Variants in INSRR observed in about 807,000 individuals in gnomAD.
INSRR encodes the protein insulin receptor related receptor, also known as insulin receptor-related protein.
Under a neutral mutation model 130.0 loss-of-function variants are expected in INSRR, and 114 were observed. That is an observed-to-expected ratio of 0.88 (90% CI 0.75 to 1.02). The LOEUF (loss-of-function observed/expected upper bound fraction) is 1.02. Among genes scored for constraint, INSRR ranks in the 50% least tolerant of loss-of-function variants. The probability of loss-of-function intolerance (pLI) is 0.00; values close to 1 mark genes in which losing one functional copy is unlikely to be tolerated. For missense variants in INSRR, 1,657 were observed against 1,735.2 expected (o/e 0.95, Z 0.80); for synonymous variants, 674 against 705.2 (o/e 0.96, Z 0.70).
Position 156,851,876 on chromosome 1 carries a change from C to A in INSRR, c.941+12G>T. On this transcript the variant is annotated intron_variant, in intron 3 of 21. Transcript: ENST00000368195. ...CTGCTCCCAGGGTGCCCCCCACCCT[C>A]CCTACACTCACCTGCTGCTATTACG... 6.3e-7 allele frequency: 1 copy of A among 1,577,874 alleles called. No homozygotes were observed. The highest frequency in any genetic ancestry group is 8.6e-7 in the Non-Finnish European group (1 of 1,158,106).
chr1:156,852,682 G>A (rs1655267627), intron 2 of INSRR, among the ~76,000 whole-genome samples: 1 of 152,234 alleles, frequency 6.6e-6, no homozygotes, highest in Non-Finnish European at 1.5e-5. Flanking sequence ...GTGGCTCCAA[G>A]CAGCAGTGGG....
Position 156,852,100 on chromosome 1 carries a change from A to G in INSRR, c.729T>C (p.Pro243=). 1 of 1,613,724 alleles carries G rather than the reference A, an allele frequency of 6.2e-7. No individual in the cohort carries two copies. The highest frequency in any genetic ancestry group is 8.5e-7 in the Non-Finnish European group (1 of 1,179,982). Reference sequence around the variant, plus strand: ...GGTGGCGGCAAGCTACACAGGCACGAGGGTCTTCTGGCTGGCTGCAGCCCC... The same window carrying G: ...GGTGGCGGCAAGCTACACAGGCACGGGGGTCTTCTGGCTGGCTGCAGCCCC... The part of the protein sequence containing the change: ...CLGGCSQPED[P]RACVACRHLY... The change falls in exon 3 of 22, where the codon CCT becomes CCC. Residue 243 remains proline, a synonymous_variant. Coordinates refer to ENST00000368195, the MANE Select transcript of INSRR (RefSeq NM_014215.3).
rs1177073209 is a variant in INSRR at position 156,841,580 on chromosome 1, C to A, written c.3528-52G>T. The A allele has an allele frequency of 1.9e-6, 3 of 1,612,102 alleles. No individual in the cohort carries two copies. The African/African-American group carries it at 4.0e-5, about 22-fold the overall frequency. The stretch of plus-strand genomic sequence containing the variant: ...CCAGCACCCTTCGTGCTACTCAGTG[C>A]ATTCCAAGGGATGGGGGTGTTCCAG... On this transcript the variant is annotated intron_variant, in intron 20 of 21. Coordinates refer to ENST00000368195, the MANE Select transcript of INSRR (RefSeq NM_014215.3).
Position 156,849,244 on chromosome 1 carries a change from A to G in INSRR, c.1444+2T>C. 7.4e-6 allele frequency: 12 copies of G among 1,613,438 alleles called. No homozygotes were observed. The highest frequency in any genetic ancestry group is 1.0e-5 in the Non-Finnish European group (12 of 1,179,972). ...CCACCGGCACTGGGGTTGGGGTCTC[A>G]CAGGCGGCGCGGTCTCCGTTGGTGC... On this transcript the variant is annotated splice_donor_variant, in intron 6 of 21. Coordinates refer to ENST00000368195, the MANE Select transcript of INSRR (RefSeq NM_014215.3). LOFTEE classifies it high-confidence loss of function.
rs74118779 is a variant in INSRR at position 156,849,424 on chromosome 1, T to C, written c.1266A>G (p.Leu422=). The part of the protein sequence containing the change: ...YTLYVLDNQN[L]QQLGSWVAAG... ...CGGCCACCCAGGACCCTAGCTGTTG[T>C]AGGTTCTGGTTGTCCAGCACGTAGA... The change falls in exon 6 of 22, where the codon CTA becomes CTG. Residue 422 remains leucine, a synonymous_variant. Coordinates refer to ENST00000368195, the MANE Select transcript of INSRR (RefSeq NM_014215.3). 0.031 allele frequency: 49,321 copies of C among 1,611,934 alleles called. 1,296 individuals are homozygous for C. Among genetic ancestry groups the C allele is most frequent in the African/African-American group, 0.14 (10,455 of 74,030 alleles).
In INSRR at chr1:156,844,756, G is replaced by C; in HGVS notation, c.2525C>G (p.Pro842Arg). ...TTCGTACTTGAGGATGAGTCCGTTG[G>C]GGTCTGGTGGCTCGAGCCAGCGCAG... The part of the protein sequence containing the change: ...VLLRWLEPPD[P>R]NGLILKYEIK... The change falls in exon 13 of 22, where the codon CCC (proline) becomes CGC (arginine). Residue 842 changes from proline (P) to arginine (R), a missense_variant. Transcript: ENST00000368195. The C allele has an allele frequency of 6.2e-7, 1 of 1,614,174 alleles. No homozygotes were observed. The highest frequency in any genetic ancestry group is 1.1e-5 in the South Asian group (1 of 91,082).
At position 156,846,058 on chromosome 1, in the gene INSRR, G is replaced by A. The variant is rs372970392; in HGVS notation, c.1872C>T (p.Arg624=). The part of the protein sequence containing the change: ...TSNSSSHLLV[R]WKPPTQRNGN... Reference sequence around the variant, plus strand: ...CATTGCGCTGGGTCGGTGGCTTCCAGCGCACCAGGAGGTGGGAGGAGGAGT... The same window carrying A: ...CATTGCGCTGGGTCGGTGGCTTCCAACGCACCAGGAGGTGGGAGGAGGAGT... Residue 624 remains arginine (R), a synonymous_variant, in exon 9 of 22, where the codon CGC becomes CGT. Transcript: ENST00000368195. The A allele has an allele frequency of 9.3e-5, 150 of 1,612,918 alleles. No individual in the cohort carries two copies. The highest frequency in any genetic ancestry group is 4.7e-4 in the Admixed American group (28 of 59,766).
In INSRR at chr1:156,842,491, C is replaced by A; in HGVS notation, c.3144G>T (p.Val1048=). The change falls in exon 18 of 22, where the codon GTG becomes GTT. Residue 1048 remains valine, a synonymous_variant. Transcript: ENST00000368195. ...CCAGAGTTGGCTGGCCCTGAGATAC[C>A]ACACCCAGGAGACGCACCTGGGACA... ...KCHHVVRLLG[V]VSQGQPTLVI... is the part of the protein sequence containing the mutation. 1 of 1,614,024 alleles carries A rather than the reference C, an allele frequency of 6.2e-7. No individual in the cohort carries two copies. Among genetic ancestry groups the A allele is most frequent in the Non-Finnish European group, 8.5e-7 (1 of 1,179,930 alleles).
At chr1:156,848,684 G>A (rs939686748) in intron 7 of INSRR, among the ~76,000 whole-genome samples, 3 of 152,218 alleles carry the variant, frequency 2.0e-5, no homozygotes, top group Non-Finnish European at 4.4e-5. Flanking sequence ...GCTCTCCTGG[G>A]CTCTCAGAAG....
At chr1:156,844,030 G>A in intron 15 of INSRR, 145 bp downstream of exon 15, 1 of 635,358 alleles carries the variant, frequency 1.6e-6, no homozygotes, top group Non-Finnish European at 2.8e-6. Context: ...TGAGAGGTAT[G>A]TTTCCTCTGT....
intron 6 of INSRR, 51 bp from the exon 7 acceptor site, chr1:156,849,098 C>A (rs1217061641): frequency 1.2e-6 from 2 of 1,600,166 alleles, no homozygotes; most frequent in South Asian, 1.1e-5. Context: ...GCTGCTTGAG[C>A]GCCCACCCTG....
rs1472915657 is a variant in INSRR at position 156,854,894 on chromosome 1, C to T, written c.86-591G>A. On this transcript the variant is annotated intron_variant, in intron 1 of 21. Transcript: ENST00000368195. The surrounding 1 kb of genome is among the most constrained non-coding windows in gnomAD (Gnocchi z 4.2). ...TTATAACCCCCCGTGACTTCCATCT[C>T]TCTTGATCTTACTACAGCCTACAGG... Among the ~76,000 whole-genome samples the T allele has an allele frequency of 1.3e-5, 2 of 152,176 alleles. No individual in the cohort carries two copies. Among genetic ancestry groups the T allele is most frequent in the East Asian group, 1.9e-4 (1 of 5,192 alleles).
At chr1:156,843,542 A>G in intron 15 of INSRR, 63 bp from the exon 16 acceptor site, 1 of 1,476,110 alleles carries the variant, frequency 6.8e-7, no homozygotes, top group Non-Finnish European at 9.5e-7. Context: ...GCAACATCAG[A>G]AGAAGGAAGA....
intron 19 of INSRR, 30 bp from the exon 20 acceptor site, chr1:156,841,824 T>C (rs1371881942): frequency 6.2e-7 from 1 of 1,613,596 alleles, no homozygotes; most frequent in Admixed American, 1.7e-5. Context: ...GTGGAGGAGG[T>C]GTGGGGCATA....
intron 1 of INSRR, among the ~76,000 whole-genome samples, chr1:156,855,376 T>C (rs1435698116): frequency 6.6e-6 from 1 of 152,152 alleles, no homozygotes; most frequent in Admixed American, 6.5e-5. Context: ...GCTAATTTTT[T>C]GCATTTTTAG....
At chr1:156,857,211 G>GTA (rs1655441289) in intron 1 of INSRR, among the ~76,000 whole-genome samples, 1 of 138,928 alleles carries the variant, frequency 7.2e-6, no homozygotes, top group Admixed American at 7.4e-5. Context: ...GTGTGTGTGT[G>GTA]TGTATGTCTG....
In INSRR at chr1:156,840,937, G is replaced by A. The variant is rs771856416; in HGVS notation, c.3830C>T (p.Ala1277Val). ...GARGSLPTTD[A>V]EPDSSPTPRD... ...TGGAGTGGGTGAGGAGTCAGGCTCT[G>A]CATCGGTGGTAGGCAGGGAGCCCCG... Residue 1277 changes from alanine (A) to valine (V), a missense_variant, in exon 22 of 22, where the codon GCA becomes GTA. By Grantham distance (64) the Ala-to-Val change is moderately conservative. Coordinates refer to ENST00000368195, the MANE Select transcript of INSRR (RefSeq NM_014215.3). The A allele has an allele frequency of 1.4e-5, 23 of 1,614,016 alleles. No individual in the cohort carries two copies. The South Asian group carries it at 2.3e-4, about 16-fold the overall frequency.
chr1:156,841,514 A>T lies in INSRR; in HGVS notation c.3542T>A (p.Val1181Glu). 3 of 1,613,920 alleles carry T rather than the reference A, an allele frequency of 1.9e-6. No homozygotes were observed. The highest frequency in any genetic ancestry group is 1.7e-6 in the Non-Finnish European group (2 of 1,179,968). The stretch of plus-strand genomic sequence containing the variant: ...TGCCAGGGTCACAATCTCCCAGAGT[A>T]CCACGCCAAAGGACCTGGGGGCATG... The part of the protein sequence containing the change: ...THSDVWSFGV[V>E]LWEIVTLAEQ... Residue 1181 changes from valine to glutamate, a missense_variant, in exon 21 of 22, where the codon GTA becomes GAA. Coordinates refer to ENST00000368195, the MANE Select transcript of INSRR (RefSeq NM_014215.3).
chr1:156,844,572 A>G lies in INSRR; in HGVS notation c.2627T>C (p.Val876Ala), dbSNP rs781351564. The G allele has an allele frequency of 6.2e-7, 1 of 1,613,924 alleles. No individual in the cohort carries two copies. The highest frequency in any genetic ancestry group is 1.7e-5 in the Admixed American group (1 of 60,004). The change falls in exon 14 of 22, where the codon GTC becomes GCC. Residue 876 changes from valine to alanine, a missense_variant. Physicochemically the swap from Val to Ala is moderately conservative, Grantham distance 64. Coordinates refer to ENST00000368195, the MANE Select transcript of INSRR (RefSeq NM_014215.3). ...TCCAGGGGGCAGCAGGGCCAGGTGG[A>G]CTCCCCCAAACTTCGCATATCGAAG... ...SRLRYAKFGG[V>A]HLALLPPGNY...
Sources: allele counts gnomAD v4.1 joint callset (sites outside exome capture counted in the v4.1 genomes callset), GRCh38; gene constraint gnomAD v4.1.1; non-coding constraint Gnocchi (gnomAD v3.1); transcripts MANE v1.5; gene names NCBI Gene and HGNC (gene_info 2026-07-23, HGNC 2026-07-21).